Variants in PTBP2 observed in about 807,000 individuals in gnomAD.
PTBP2 encodes polypyrimidine tract-binding protein 2.
A neutral mutation model predicts 61.4 loss-of-function variants in PTBP2; 13 were observed. That is an observed-to-expected ratio of 0.21 (90% CI 0.14 to 0.34). The LOEUF (loss-of-function observed/expected upper bound fraction) is 0.34. PTBP2 is among the 10% of genes least tolerant of loss of function. PTBP2 has a pLI of 1.00. For synonymous variants in PTBP2, 215 were observed against 218.5 expected (o/e 0.98, Z 0.14); for missense variants, 405 against 642.6 (o/e 0.63, Z 4.00).
intron 8 of PTBP2, among the ~76,000 whole-genome samples, chr1:96,803,569 T>TTTTTTTTTTTTTTTTTTTTTTTTG (rs1661231255): frequency 6.6e-6 from 1 of 152,158 alleles, no homozygotes; most frequent in African/African-American, 2.4e-5. Flanking sequence ...GGGAAAGTTT[T>TTTTTTTTTTTTTTTTTTTTTTTTG]ATAAGTCAAA....
chr1:96,797,846 AC>A (rs1161179047), intron 8 of PTBP2, among the ~76,000 whole-genome samples: 1 of 152,068 alleles, frequency 6.6e-6, no homozygotes, highest in Admixed American at 6.6e-5. Context: ...CCATTGTTTT[AC>A]CCCCAAATAT....
Position 96,814,993 on chromosome 1 carries a change from A to G in PTBP2, c.*1588A>G, listed in dbSNP as rs1160774929. 1 of 152,514 alleles carries G rather than the reference A, an allele frequency of 6.6e-6. No individual in the cohort carries two copies. The allele number at this position is 152,514 out of a possible 1,614,324, so 9.4% of individuals were successfully genotyped here. Reference sequence around the variant, plus strand: ...TCTCTGCCAGGGTGGGAAAGGAGTAATAATATTACAATTCTATGGCTTTAT... The same window carrying G: ...TCTCTGCCAGGGTGGGAAAGGAGTAGTAATATTACAATTCTATGGCTTTAT... On this transcript the variant is annotated 3_prime_UTR_variant, in exon 14 of 14. Coordinates refer to ENST00000674951, the MANE Select transcript of PTBP2 (RefSeq NM_021190.4).
At chr1:96,823,131 T>A (rs567826884) in exon 14 of PTBP2, 2 of 152,438 alleles carry the variant, frequency 1.3e-5, no homozygotes, top group South Asian at 4.1e-4. Context: ...CAGCTAATTT[T>A]TTTGTATCTT....
At position 96,731,897 on chromosome 1, in the gene PTBP2, C is replaced by G. The variant is rs544770110; in HGVS notation, c.39+8303C>G. Reference sequence around the variant, plus strand: ...TGTGAAATCCTTGCAAAGTAATCGGCCTATTACTTGGGAAGACAGAATTGT... The same window carrying G: ...TGTGAAATCCTTGCAAAGTAATCGGGCTATTACTTGGGAAGACAGAATTGT... On this transcript the variant is annotated intron_variant, in intron 2 of 13. Transcript: ENST00000674951. Among the ~76,000 whole-genome samples the G allele has an allele frequency of 5.9e-5, 9 of 152,172 alleles. No individual in the cohort carries two copies. The South Asian group carries it at 1.9e-3, about 32-fold the overall frequency.
At chr1:96,779,040 CTT>C (rs755293217) in intron 7 of PTBP2, among the ~76,000 whole-genome samples, 6 of 152,124 alleles carry the variant, frequency 3.9e-5, no homozygotes, top group Non-Finnish European at 5.9e-5. Flanking sequence ...AGGTGAATTA[CTT>C]ACAGTGAACA....
chr1:96,734,046 G>T (rs1002394966), intron 2 of PTBP2, among the ~76,000 whole-genome samples: 4 of 152,108 alleles, frequency 2.6e-5, no homozygotes, highest in African/African-American at 9.7e-5. Context: ...GGATAAGGTG[G>T]TTAAGTGATA....
exon 14 of PTBP2, chr1:96,822,177 T>TA (rs1662703612): frequency 6.6e-6 from 1 of 152,196 alleles, no homozygotes; most frequent in African/African-American, 2.4e-5. Flanking sequence ...TATGGGTTGA[T>TA]AAATTTTCTG....
intron 2 of PTBP2, among the ~76,000 whole-genome samples, chr1:96,733,113 T>C (rs979545467): frequency 1.3e-5 from 2 of 151,766 alleles, no homozygotes; most frequent in African/African-American, 4.8e-5. Flanking sequence ...ACAGGTGGGC[T>C]AAAATCAAGG....
At chr1:96,755,843 AGG>A (rs931742632) in intron 3 of PTBP2, among the ~76,000 whole-genome samples, 1 of 152,208 alleles carries the variant, frequency 6.6e-6, no homozygotes, top group African/African-American at 2.4e-5. Flanking sequence ...GACAGGCAGG[AGG>A]GGTGGCAAAG....
chr1:96,752,954 G>T (rs962822578), intron 3 of PTBP2, among the ~76,000 whole-genome samples: 3 of 152,146 alleles, frequency 2.0e-5, no homozygotes, highest in Non-Finnish European at 2.9e-5. Context: ...AAACCACAGA[G>T]AAGTGGAGAG....
chr1:96,763,325 C>T (rs1039415263), intron 3 of PTBP2, among the ~76,000 whole-genome samples: 9 of 152,130 alleles, frequency 5.9e-5, no homozygotes, highest in East Asian at 1.9e-4. Context: ...TCTGCAATTC[C>T]GGCACCTCGG....
At chr1:96,765,911 G>A (rs886523405) in intron 3 of PTBP2, among the ~76,000 whole-genome samples, 1 of 152,142 alleles carries the variant, frequency 6.6e-6, no homozygotes, top group South Asian at 2.1e-4. Flanking sequence ...AGTAGAAATT[G>A]AAGTTTTTAG....
intron 5 of PTBP2, among the ~76,000 whole-genome samples, chr1:96,773,702 C>T (rs1036069314): frequency 7.2e-5 from 11 of 151,924 alleles, no homozygotes; most frequent in Non-Finnish European, 1.5e-4. Context: ...CCAGGCTGTG[C>T]GTGGTGGCTC....
chr1:96,722,898 C>T (rs1179660505), intron 1 of PTBP2, among the ~76,000 whole-genome samples: 1 of 152,112 alleles, frequency 6.6e-6, no homozygotes, highest in Non-Finnish European at 1.5e-5. Flanking sequence ...AAAGGGGGCA[C>T]GCTTAAGGTC....
chr1:96,779,646 A>G (rs757230904), intron 7 of PTBP2, among the ~76,000 whole-genome samples: 1 of 152,110 alleles, frequency 6.6e-6, no homozygotes, highest in African/African-American at 2.4e-5. Context: ...ATCTAAAGTT[A>G]TAATTCTAAG....
intron 8 of PTBP2, among the ~76,000 whole-genome samples, chr1:96,801,405 G>T (rs111934684): frequency 1.3e-5 from 2 of 152,160 alleles, no homozygotes; most frequent in Admixed American, 6.5e-5. Context: ...CCAGAGATTT[G>T]TGAGAGTTCC....
intron 7 of PTBP2, among the ~76,000 whole-genome samples, chr1:96,781,753 T>C (rs1469339552): frequency 6.6e-6 from 1 of 152,020 alleles, no homozygotes; most frequent in Non-Finnish European, 1.5e-5. Context: ...CCATGTCTGC[T>C]TTGCTTTCTG....
intron 2 of PTBP2, among the ~76,000 whole-genome samples, chr1:96,733,704 G>C (rs776358694): frequency 1.8e-4 from 27 of 152,106 alleles, no homozygotes; most frequent in Non-Finnish European, 3.5e-4. Flanking sequence ...AGGGTCAAAT[G>C]AAGTACAGTT....
Position 96,730,414 on chromosome 1 carries a change from A to G in PTBP2, c.39+6820A>G, listed in dbSNP as rs140467059. The stretch of plus-strand genomic sequence containing the variant: ...GACACGTATATTTTTATTCACTTCA[A>G]AATACTTTTTTAAATATTTCTTTGA... On this transcript the variant is annotated intron_variant, in intron 2 of 13. Transcript: ENST00000674951. Among the ~76,000 whole-genome samples, 186 of 152,280 alleles carry G rather than the reference A, an allele frequency of 1.2e-3. No individual in the cohort carries two copies. The Middle Eastern group carries it at 0.014, about 11-fold the overall frequency.
Sources: allele counts gnomAD v4.1 joint callset (sites outside exome capture counted in the v4.1 genomes callset), GRCh38; gene constraint gnomAD v4.1.1; transcripts MANE v1.5; gene names NCBI Gene and HGNC (gene_info 2026-07-23, HGNC 2026-07-21).